Variants in RCBTB1 observed in about 807,000 individuals in gnomAD.
RCBTB1 encodes RCC1 and BTB domain-containing protein 1.
Under a neutral mutation model 62.4 loss-of-function variants are expected in RCBTB1, and 46 were observed. The observed-to-expected ratio is 0.74, with a 90% CI of 0.58 to 0.94. RCBTB1 has a LOEUF of 0.94. RCBTB1 is among the 40% of genes least tolerant of loss of function. The probability of loss-of-function intolerance (pLI) is 0.00; values close to 1 mark genes in which losing one functional copy is unlikely to be tolerated. For missense variants in RCBTB1, 565 were observed against 654.9 expected (o/e 0.86, Z 1.50); for synonymous variants, 222 against 245.8 (o/e 0.90, Z 0.91).
intron 9 of RCBTB1, 64 bp from the exon 10 acceptor site, chr13:49,544,927 T>C (rs1960680129): frequency 2.2e-6 from 3 of 1,376,708 alleles, no homozygotes; most frequent in Admixed American, 4.0e-5. Flanking sequence ...TTCAAAAGAC[T>C]TCAAAAAGAT....
chr13:49,555,569 T>C lies in RCBTB1; in HGVS notation c.549A>G (p.Val183=). 6.2e-7 allele frequency: 1 copy of C among 1,613,864 alleles called. No individual in the cohort carries two copies. The highest frequency in any genetic ancestry group is 8.5e-7 in the Non-Finnish European group (1 of 1,179,728). The part of the protein sequence containing the change: ...KVTNCLHIKR[V]VGIACGQTSS... ...AAGTCTGACCACAGGCAATGCCAACTACCCTCTTAATATGTAAACAGTTTG... is the reference window on the plus strand; with the variant it reads ...AAGTCTGACCACAGGCAATGCCAACCACCCTCTTAATATGTAAACAGTTTG... Residue 183 remains valine, a synonymous_variant, in exon 6 of 13, where the codon GTA becomes GTG. Coordinates refer to ENST00000378302, the MANE Select transcript of RCBTB1 (RefSeq NM_018191.4).
intron 5 of RCBTB1, among the ~76,000 whole-genome samples, chr13:49,556,445 C>T (rs1405225947): frequency 6.6e-6 from 1 of 152,152 alleles, no homozygotes; most frequent in African/African-American, 2.4e-5. Context: ...CCATCTCGGC[C>T]TCCCAAAGTG....
chr13:49,556,804 G>A (rs1377559312), intron 5 of RCBTB1, among the ~76,000 whole-genome samples: 1 of 152,090 alleles, frequency 6.6e-6, no homozygotes, highest in African/African-American at 2.4e-5. Context: ...GTTTAATTAT[G>A]CAAATATTAA....
chr13:49,549,990 C>A (rs1223112965), intron 8 of RCBTB1: 1 of 760,068 alleles, frequency 1.3e-6, no homozygotes, highest in Non-Finnish European at 1.6e-6. Flanking sequence ...AATACCATTT[C>A]TTTTTTTTTT....
intron 12 of RCBTB1, among the ~76,000 whole-genome samples, chr13:49,538,772 CAT>C (rs386379141): frequency 1.6e-4 from 24 of 150,848 alleles, no homozygotes; most frequent in African/African-American, 4.9e-4. Flanking sequence ...CACACACACA[CAT>C]ATATATATAT....
intron 5 of RCBTB1, among the ~76,000 whole-genome samples, chr13:49,557,254 G>A (rs7983670): frequency 6.6e-6 from 1 of 151,838 alleles, no homozygotes; most frequent in Non-Finnish European, 1.5e-5. Context: ...TTAAAAGATA[G>A]GGAATAGAAG....
At chr13:49,542,213 CAA>C (rs11285149) in intron 10 of RCBTB1, among the ~76,000 whole-genome samples, 163 of 139,340 alleles carry the variant, frequency 1.2e-3, no homozygotes, top group Non-Finnish European at 1.2e-3. Context: ...AACTCCGTCT[CAA>C]AAAAAAAAAA....
intron 4 of RCBTB1, among the ~76,000 whole-genome samples, chr13:49,565,202 A>AGAC (rs1962831659): frequency 6.6e-6 from 1 of 152,090 alleles, no homozygotes; most frequent in Non-Finnish European, 1.5e-5. Flanking sequence ...TTTTTGGTGG[A>AGAC]GACGGGGTTT....
At chr13:49,555,855 T>C (rs1961815114) in intron 5 of RCBTB1, among the ~76,000 whole-genome samples, 182 bp from the exon 6 acceptor site, 2 of 152,222 alleles carry the variant, frequency 1.3e-5, no homozygotes, top group Non-Finnish European at 2.9e-5. Context: ...AAAGTGACCC[T>C]AGAGTAGGTA....
At chr13:49,550,696 T>C (rs1029722099) in intron 8 of RCBTB1, among the ~76,000 whole-genome samples, 1 of 152,220 alleles carries the variant, frequency 6.6e-6, no homozygotes. Context: ...ACAGCAAGAC[T>C]GCAGTAATTA....
At position 49,565,289 on chromosome 13, in the gene RCBTB1, T is replaced by C. The variant is rs374052145; in HGVS notation, c.277+1329A>G. Among the ~76,000 whole-genome samples the C allele has an allele frequency of 3.7e-4, 57 of 152,322 alleles. No individual in the cohort carries two copies. The East Asian group carries it at 4.6e-3, about 12-fold the overall frequency. Reference sequence around the variant, plus strand: ...GCCTCGGCCTCCCGAGGTGCCGAGATTGCAGACGGAGTCTCGTTCACTCAG... The same window carrying C: ...GCCTCGGCCTCCCGAGGTGCCGAGACTGCAGACGGAGTCTCGTTCACTCAG... On this transcript the variant is annotated intron_variant, in intron 4 of 12. Transcript: ENST00000378302.
chr13:49,565,123 T>C (rs1240203631), intron 4 of RCBTB1, among the ~76,000 whole-genome samples: 2 of 152,058 alleles, frequency 1.3e-5, no homozygotes, highest in African/African-American at 2.4e-5. Flanking sequence ...TGCCTGATTC[T>C]CCTGCCTCAG....
intron 4 of RCBTB1, among the ~76,000 whole-genome samples, chr13:49,560,912 C>T (rs553452033): frequency 2.0e-5 from 3 of 152,140 alleles, no homozygotes; most frequent in African/African-American, 4.8e-5. Context: ...GAGGGGTGCA[C>T]GGAGCTCCCA....
intron 9 of RCBTB1, 84 bp downstream of exon 9, chr13:49,549,374 T>C: frequency 1.5e-6 from 2 of 1,343,766 alleles, no homozygotes; most frequent in East Asian, 4.7e-5. Flanking sequence ...TTCTGAGAGA[T>C]CCCAAAACCA....
intron 11 of RCBTB1, 80 bp downstream of exon 11, chr13:49,541,595 CT>C: frequency 7.4e-7 from 1 of 1,359,610 alleles, no homozygotes; most frequent in South Asian, 1.6e-5. Context: ...ACACCTGAAG[CT>C]TTTTACATTT....
rs745882696 is a variant in RCBTB1 at position 49,555,523 on chromosome 13, T to A, written c.595A>T (p.Asn199Tyr). The stretch of plus-strand genomic sequence containing the variant: ...GAGTGGAGACACCTCACCTCGCCAT[T>A]GTCCAGAACAGCCATGGATGAAGTC... Reference protein sequence around the residue: ...GQTSSMAVLDNGEVYGWGYNG... With the variant: ...GQTSSMAVLDYGEVYGWGYNG... Residue 199 changes from asparagine (N) to tyrosine (Y), a missense_variant, in exon 6 of 13, where the codon AAT becomes TAT. Transcript: ENST00000378302. 1 of 1,613,862 alleles carries A rather than the reference T, an allele frequency of 6.2e-7. No individual in the cohort carries two copies. The highest frequency in any genetic ancestry group is 8.5e-7 in the Non-Finnish European group (1 of 1,179,754).
chr13:49,569,982 T>C (rs139307825), intron 2 of RCBTB1, among the ~76,000 whole-genome samples: 2 of 152,012 alleles, frequency 1.3e-5, no homozygotes, highest in South Asian at 4.2e-4. Context: ...ACAAAACAGA[T>C]GGAGAAAGGA....
chr13:49,547,959 T>C (rs892467214), intron 9 of RCBTB1, among the ~76,000 whole-genome samples: 2 of 151,122 alleles, frequency 1.3e-5, no homozygotes, highest in African/African-American at 4.9e-5. Context: ...GGTTATTTTT[T>C]GTAGAGATGG....
Position 49,581,830 on chromosome 13 carries a change from T to C in RCBTB1, c.-121-1246A>G, listed in dbSNP as rs376186798. On this transcript the variant is annotated intron_variant, in intron 1 of 12. Coordinates refer to ENST00000378302, the MANE Select transcript of RCBTB1 (RefSeq NM_018191.4). Reference sequence around the variant, plus strand: ...CGAGGGAAGGGTGGAGAAACTTCCATTGGATTTAACAAGGAGAATTATCAG... The same window carrying C: ...CGAGGGAAGGGTGGAGAAACTTCCACTGGATTTAACAAGGAGAATTATCAG... Among the ~76,000 whole-genome samples the C allele has an allele frequency of 1.1e-4, 16 of 152,272 alleles. No homozygotes were observed. In the East Asian group the frequency reaches 1.2e-3, roughly 11 times the overall value.
Sources: allele counts gnomAD v4.1 joint callset (sites outside exome capture counted in the v4.1 genomes callset), GRCh38; gene constraint gnomAD v4.1.1; transcripts MANE v1.5; gene names NCBI Gene and HGNC (gene_info 2026-07-23, HGNC 2026-07-21).